The following ZSWIM2 variants were observed in gnomAD, a reference collection of about 807,000 sequenced individuals.
ZSWIM2 encodes the protein zinc finger SWIM-type containing 2, also known as E3 ubiquitin-protein ligase ZSWIM2.
Under a neutral mutation model 48.4 loss-of-function variants are expected in ZSWIM2, and 38 were observed. The observed-to-expected ratio is 0.79, with a 90% CI of 0.61 to 1.03. The LOEUF (loss-of-function observed/expected upper bound fraction) is 1.03, where lower values mean the gene tolerates loss of function less well. Ranked by LOEUF, ZSWIM2 falls within the 50% of genes least tolerant of loss-of-function variation. ZSWIM2 has a pLI of 0.00. For missense variants in ZSWIM2, 776 were observed against 730.2 expected, an observed-to-expected ratio of 1.06 and a Z score of -0.72; for synonymous variants, 240 against 251.3, an observed-to-expected ratio of 0.96 and a Z score of 0.42.
intron 5 of ZSWIM2, among the ~76,000 whole-genome samples, chr2:186,835,930 G>A (rs892111604): frequency 1.3e-5 from 2 of 152,014 alleles, no homozygotes; most frequent in African/African-American, 4.8e-5. Flanking sequence ...GGTCACTAGT[G>A]GGCAGGGGGC....
intron 1 of ZSWIM2, among the ~76,000 whole-genome samples, chr2:186,848,373 A>T (rs1226627382): frequency 6.6e-6 from 1 of 152,166 alleles, no homozygotes; most frequent in East Asian, 1.9e-4. Context: ...AACTCCTAGG[A>T]GGTAGTGCAG....
chr2:186,848,654 G>C, intron 1 of ZSWIM2: 1 of 271,702 alleles, frequency 3.7e-6, no homozygotes, highest in East Asian at 7.6e-5. Flanking sequence ...ACAGATCCAA[G>C]AACACATGTA....
At chr2:186,839,642 T>C (rs1404589344) in intron 3 of ZSWIM2, among the ~76,000 whole-genome samples, 2 of 151,766 alleles carry the variant, frequency 1.3e-5, no homozygotes, top group Non-Finnish European at 3.0e-5. Context: ...CTTAATTAAT[T>C]GTGCCTATTT....
At chr2:186,843,121 T>A (rs1277787210) in intron 3 of ZSWIM2, among the ~76,000 whole-genome samples, 6 of 151,670 alleles carry the variant, frequency 4.0e-5, no homozygotes, top group Admixed American at 6.6e-5. Flanking sequence ...TTACTTCTTA[T>A]AATATGGCTA....
chr2:186,827,913 G>A lies in ZSWIM2; in HGVS notation c.*71C>T. The A allele has an allele frequency of 7.8e-7, 1 of 1,275,692 alleles. No individual in the cohort carries two copies. The highest frequency in any genetic ancestry group is 2.5e-5 in the East Asian group (1 of 39,296). 79.0% of individuals were successfully genotyped at this position (1,275,692 alleles called of 1,614,324 possible). On this transcript the variant is annotated 3_prime_UTR_variant, in exon 9 of 9. Transcript: ENST00000295131. ...TTATATACATTTGTCAAGACTATGT[G>A]TGCTTTTTATGTTCTATATAAAACA... is the stretch of plus-strand genomic sequence containing the variant.
rs550788851 is a variant in ZSWIM2, at chr2:186,839,896, C to T, written c.284-727G>A. Among the ~76,000 whole-genome samples the T allele has an allele frequency of 1.4e-4, 21 of 151,688 alleles. 1 individual carries two copies. The highest frequency in any genetic ancestry group is 3.4e-3 in the Middle Eastern group (1 of 292). ...CCTTGGCCCATCCCTTTGCTGCTTC[C>T]CCCTTCCATCTCCTACTCCTGAACA... On this transcript the variant is annotated intron_variant, in intron 3 of 8. Coordinates refer to ENST00000295131, the MANE Select transcript of ZSWIM2 (RefSeq NM_182521.3).
intron 7 of ZSWIM2, among the ~76,000 whole-genome samples, chr2:186,832,381 C>T (rs914471898): frequency 6.6e-6 from 1 of 152,068 alleles, no homozygotes; most frequent in Non-Finnish European, 1.5e-5. Context: ...CTTGGTCTCC[C>T]AAAGTGCTAG....
intron 5 of ZSWIM2, among the ~76,000 whole-genome samples, chr2:186,835,922 T>A (rs999229699): frequency 6.6e-6 from 1 of 151,400 alleles, no homozygotes; most frequent in South Asian, 2.1e-4. Flanking sequence ...GAGTGTAGGG[T>A]CACTAGTGGG....
At chr2:186,838,516 A>C (rs150237774) in intron 4 of ZSWIM2, among the ~76,000 whole-genome samples, 55 of 150,258 alleles carry the variant, frequency 3.7e-4, no homozygotes, top group Non-Finnish European at 1.3e-4. Flanking sequence ...TGTGTATAAA[A>C]TAAAAACACA....
At chr2:186,832,121 T>C (rs540866936) in intron 7 of ZSWIM2, among the ~76,000 whole-genome samples, 1 of 141,034 alleles carries the variant, frequency 7.1e-6, no homozygotes, top group East Asian at 1.9e-4. Context: ...CTTTCTTTTC[T>C]ATTTTTTTTT....
At chr2:186,836,517 C>A (rs745627068) in intron 5 of ZSWIM2, among the ~76,000 whole-genome samples, 6 of 151,860 alleles carry the variant, frequency 4.0e-5, no homozygotes, top group Non-Finnish European at 7.4e-5. Context: ...TAATGTTTTA[C>A]GGTTTTATGA....
At chr2:186,828,864 G>T in intron 8 of ZSWIM2, 74 bp from the exon 9 acceptor site, 1 of 886,710 alleles carries the variant, frequency 1.1e-6, no homozygotes, top group East Asian at 3.2e-5. Flanking sequence ...ATTTCCCCCA[G>T]TTTCATAATT....
intron 3 of ZSWIM2, among the ~76,000 whole-genome samples, chr2:186,841,207 A>G (rs906964256): frequency 1.3e-5 from 2 of 151,556 alleles, no homozygotes; most frequent in African/African-American, 4.8e-5. Flanking sequence ...TTAACTTACC[A>G]GGCATTGATA....
chr2:186,841,880 T>C (rs966507123), intron 3 of ZSWIM2, among the ~76,000 whole-genome samples: 2 of 151,310 alleles, frequency 1.3e-5, no homozygotes, highest in Admixed American at 1.3e-4. Context: ...GAGGTTTTAA[T>C]TTTATTCATA....
rs749181314 is a variant in ZSWIM2, at chr2:186,849,162, C to T, written c.-32G>A. 49 of 1,581,424 alleles carry T rather than the reference C, an allele frequency of 3.1e-5. No individual in the cohort carries two copies. Among genetic ancestry groups the T allele is most frequent in the Non-Finnish European group, 4.0e-5 (47 of 1,161,050 alleles). On this transcript the variant is annotated 5_prime_UTR_variant, in exon 1 of 9. Coordinates refer to ENST00000295131, the MANE Select transcript of ZSWIM2 (RefSeq NM_182521.3). ...TGCGGGCGGAGGCGGCCCCTCTGCTCGGCTCACTGAGGCGCCAGCCGGTCT... is the reference window on the plus strand; with the variant it reads ...TGCGGGCGGAGGCGGCCCCTCTGCTTGGCTCACTGAGGCGCCAGCCGGTCT...
chr2:186,839,056 C>G lies in ZSWIM2; in HGVS notation c.397G>C (p.Asp133His). The G allele has an allele frequency of 6.2e-7, 1 of 1,611,820 alleles. No homozygotes were observed. The highest frequency in any genetic ancestry group is 8.5e-7 in the Non-Finnish European group (1 of 1,178,404). The stretch of plus-strand genomic sequence containing the variant: ...ATTTCCTTCTGTTTAATGTACCCAT[C>G]TTCTTCAACATGTTCATTTTCGTCA... ...TNDENEHVEE[D>H]GYIKQKEIDS... The change falls in exon 4 of 9, where the codon GAT becomes CAT. Residue 133 changes from aspartate (D) to histidine (H), a missense_variant. Transcript: ENST00000295131.
intron 5 of ZSWIM2, among the ~76,000 whole-genome samples, chr2:186,836,855 TA>T (rs1691802703): frequency 1.3e-5 from 2 of 151,872 alleles, no homozygotes; most frequent in Non-Finnish European, 2.9e-5. Flanking sequence ...CCATTTGGAG[TA>T]GGGGGGACTG....
chr2:186,828,413 T>C lies in ZSWIM2; in HGVS notation c.1473A>G (p.Gln491=), dbSNP rs879089694. The C allele has an allele frequency of 2.6e-5, 42 of 1,613,624 alleles. 1 individual carries two copies. Among genetic ancestry groups the C allele is most frequent in the South Asian group, 7.7e-5 (7 of 91,076 alleles). Residue 491 remains glutamine, a synonymous_variant, in exon 9 of 9, where the codon CAA becomes CAG. Transcript: ENST00000295131. Reference sequence around the variant, plus strand: ...AATCTTGAAGATACCTGGGAAAATGTTGGCTAATTTTATAATCATAGGTTA... The same window carrying C: ...AATCTTGAAGATACCTGGGAAAATGCTGGCTAATTTTATAATCATAGGTTA... ...KKLTYDYKIS[Q]HFPRYLQDLP...
chr2:186,838,219 T>C (rs1298052689), intron 4 of ZSWIM2, among the ~76,000 whole-genome samples: 1 of 144,686 alleles, frequency 6.9e-6, no homozygotes, highest in Non-Finnish European at 1.5e-5. Context: ...AGATTTAAAG[T>C]ATAATAAAAA....
Sources: allele counts gnomAD v4.1 joint callset (sites outside exome capture counted in the v4.1 genomes callset), GRCh38; gene constraint gnomAD v4.1.1; transcripts MANE v1.5; gene names NCBI Gene and HGNC (gene_info 2026-07-23, HGNC 2026-07-21).